CDH19: variants seen among roughly 807,000 people sequenced by gnomAD.
CDH19 encodes cadherin-19.
A neutral mutation model predicts 64.2 loss-of-function variants in CDH19; 67 were observed. That is an observed-to-expected ratio of 1.04 (90% CI 0.86 to 1.28). The LOEUF is 1.28. CDH19 is among the 50% of genes most tolerant of loss of function. The pLI is 0.00. For synonymous variants in CDH19, 346 were observed against 319.3 expected, an observed-to-expected ratio of 1.08 and a Z score of -0.89; for missense variants, 1,030 against 929.0, an observed-to-expected ratio of 1.11 and a Z score of -1.41.
chr18:66,548,988 A>G (rs1987242303), intron 5 of CDH19, among the ~76,000 whole-genome samples: 1 of 152,088 alleles, frequency 6.6e-6, no homozygotes, highest in Non-Finnish European at 1.5e-5. Flanking sequence ...GAGGGTAGGA[A>G]GTGTTGCCCA....
intron 3 of CDH19, among the ~76,000 whole-genome samples, chr18:66,560,892 A>T (rs1987696740): frequency 6.6e-6 from 1 of 152,136 alleles, no homozygotes; most frequent in Non-Finnish European, 1.5e-5. Context: ...TCAAAAATTA[A>T]ATTCTACATT....
chr18:66,551,339 T>G, intron 4 of CDH19, 81 bp from the exon 5 acceptor site: 1 of 788,434 alleles, frequency 1.3e-6, no homozygotes, highest in Non-Finnish European at 2.1e-6. Flanking sequence ...CATTGCAGTA[T>G]ACATTATTTT....
At chr18:66,528,210 T>A (rs1986299507) in intron 9 of CDH19, among the ~76,000 whole-genome samples, 1 of 152,156 alleles carries the variant, frequency 6.6e-6, no homozygotes, top group Non-Finnish European at 1.5e-5. Flanking sequence ...ATCAGATGTG[T>A]TTGAAATTCT....
rs563000941 is a variant in CDH19 at position 66,553,993 on chromosome 18, C to A, written c.610+412G>T. On this transcript the variant is annotated intron_variant, in intron 4 of 11. Coordinates refer to ENST00000262150, the MANE Select transcript of CDH19 (RefSeq NM_021153.4). ...ATCTCAGTCATTCTGCAGGGTTATG[C>A]AGCTGTATTTCATTGTGGTTTTAGT... 1.1e-3 allele frequency among the ~76,000 whole-genome samples: 96 copies of A among 88,860 alleles called. 12 individuals carry two copies. Among genetic ancestry groups the A allele is most frequent in the Non-Finnish European group, 1.8e-3 (89 of 49,030 alleles). 58.3% of individuals were successfully genotyped at this position (88,860 alleles called of 152,430 possible). A position where few individuals can be genotyped will look rare whatever the true frequency, so the allele number is the denominator to read the frequency against.
At chr18:66,528,098 GT>G (rs1986295872) in intron 9 of CDH19, among the ~76,000 whole-genome samples, 1 of 151,564 alleles carries the variant, frequency 6.6e-6, no homozygotes, top group Admixed American at 6.6e-5. Context: ...AAAATTATTT[GT>G]ATTTTAAGAA....
chr18:66,555,134 A>C (rs1987471095), intron 3 of CDH19, among the ~76,000 whole-genome samples: 1 of 151,882 alleles, frequency 6.6e-6, no homozygotes, highest in South Asian at 2.1e-4. Context: ...ATTCAGTAAC[A>C]AGAAATAAAA....
Position 66,544,209 on chromosome 18 carries a change from G to A in CDH19, c.976C>T (p.His326Tyr), listed in dbSNP as rs1879459251. 2 of 1,612,530 alleles carry A rather than the reference G, an allele frequency of 1.2e-6. No individual in the cohort carries two copies. The highest frequency in any genetic ancestry group is 1.7e-6 in the Non-Finnish European group (2 of 1,179,310). The change falls in exon 7 of 12, where the codon CAC becomes TAC. Residue 326 changes from histidine to tyrosine, a missense_variant. By Grantham distance (83) the His-to-Tyr change is moderately conservative (BLOSUM62 2). Transcript: ENST00000262150. Reference protein sequence around the residue: ...VILKKKVDFEHQNHYGIRAKV... With the variant: ...VILKKKVDFEYQNHYGIRAKV... ...GCTCTAATACCGTAGTGGTTCTGGT[G>A]CTCAAAATCCACTTTCTGCAAAGAA...
chr18:66,511,713 T>C lies in CDH19; in HGVS notation c.1459-28A>G, dbSNP rs370754858. ...AAAAAAAAAGGGGGATAGATTTTTGTTGTTGTTTGGATTCAGGAAGAAGAT... is the reference window on the plus strand; with the variant it reads ...AAAAAAAAAGGGGGATAGATTTTTGCTGTTGTTTGGATTCAGGAAGAAGAT... On this transcript the variant is annotated intron_variant, in intron 9 of 11. Coordinates refer to ENST00000262150, the MANE Select transcript of CDH19 (RefSeq NM_021153.4). 5.6e-6 allele frequency: 6 copies of C among 1,064,808 alleles called. No homozygotes were observed. The East Asian group carries it at 1.4e-4, about 25-fold the overall frequency. The allele number at this position is 1,064,808 out of a possible 1,614,324, so 66.0% of individuals were successfully genotyped here. A position where few individuals can be genotyped will look rare whatever the true frequency, so the allele number is the denominator to read the frequency against.
intron 9 of CDH19, among the ~76,000 whole-genome samples, chr18:66,513,554 C>T (rs1414737907): frequency 6.6e-6 from 1 of 151,328 alleles, no homozygotes; most frequent in African/African-American, 2.4e-5. Flanking sequence ...AAAGGGACCA[C>T]ATTAATATGC....
chr18:66,535,705 T>C (rs1358521715), intron 7 of CDH19, among the ~76,000 whole-genome samples: 1 of 147,082 alleles, frequency 6.8e-6, no homozygotes, highest in Admixed American at 6.9e-5. Context: ...TTATTACATA[T>C]ATAACATATT....
In CDH19 at chr18:66,551,095, T is replaced by C; in HGVS notation, c.774A>G (p.Glu258=). The change falls in exon 5 of 12, where the codon GAA becomes GAG. Residue 258 remains glutamate (E), a splice_region_variant and synonymous_variant. Transcript: ENST00000262150. ...DVNDNKPIFK[E]SLYRLTVSES... ...AGATGTAGAATCCTTTTTACTTACT[T>C]TCTTTAAATATAGGCTTATTGTCAT... 6.5e-7 allele frequency: 1 copy of C among 1,528,576 alleles called. No homozygotes were observed. The highest frequency in any genetic ancestry group is 2.3e-5 in the East Asian group (1 of 44,312). The allele number at this position is 1,528,576 out of a possible 1,614,324, so 94.7% of individuals were successfully genotyped here.
intron 1 of CDH19, among the ~76,000 whole-genome samples, chr18:66,602,827 A>C (rs187918793): frequency 4.6e-5 from 7 of 151,902 alleles, no homozygotes; most frequent in Admixed American, 2.0e-4. Context: ...ATAAATTGTT[A>C]GTTATTTTAT....
At chr18:66,541,744 G>C (rs549164300) in intron 7 of CDH19, among the ~76,000 whole-genome samples, 57 of 152,174 alleles carry the variant, frequency 3.7e-4, no homozygotes, top group African/African-American at 1.1e-3. Context: ...TTTTTTGATG[G>C]ATACAAGTTA....
In CDH19 at chr18:66,501,844, T is replaced by C. The variant is rs1386747943; in HGVS notation, c.*2968A>G. 6.6e-6 allele frequency: 1 copy of C among 152,088 alleles called. No homozygotes were observed. The highest frequency in any genetic ancestry group is 2.4e-5 in the African/African-American group (1 of 41,446). The allele number at this position is 152,088 out of a possible 1,614,324, so 9.4% of individuals were successfully genotyped here. A position where few individuals can be genotyped will look rare whatever the true frequency, so the allele number is the denominator to read the frequency against. On this transcript the variant is annotated 3_prime_UTR_variant, in exon 12 of 12. Transcript: ENST00000262150. The stretch of plus-strand genomic sequence containing the variant: ...AACAAATATTATATGTTCGCTTAAT[T>C]GAAAGTAACTAATTCAAACAAAGAT...
chr18:66,546,491 T>C (rs942536523), intron 5 of CDH19, among the ~76,000 whole-genome samples: 2 of 152,148 alleles, frequency 1.3e-5, no homozygotes, highest in Non-Finnish European at 2.9e-5. Flanking sequence ...ACTGAAATAT[T>C]TTCTTCAGTC....
At chr18:66,587,408 T>G (rs1483910828) in intron 1 of CDH19, among the ~76,000 whole-genome samples, 1 of 152,124 alleles carries the variant, frequency 6.6e-6, no homozygotes, top group Non-Finnish European at 1.5e-5. Context: ...TAGGTTCAGA[T>G]TTTTAAGACC....
chr18:66,555,387 C>T (rs1987480330), intron 3 of CDH19, among the ~76,000 whole-genome samples: 2 of 130,614 alleles, frequency 1.5e-5, no homozygotes, highest in Admixed American at 7.7e-5. Flanking sequence ...ATTTTCTCAT[C>T]GTAGCCCAAT....
intron 1 of CDH19, among the ~76,000 whole-genome samples, chr18:66,587,815 G>A (rs575452212): frequency 4.6e-5 from 7 of 152,122 alleles, no homozygotes; most frequent in Non-Finnish European, 1.0e-4. Flanking sequence ...GAAATGGAAG[G>A]TTAATTGGTT....
chr18:66,532,445 A>G (rs1321190923), intron 8 of CDH19: 1 of 170,924 alleles, frequency 5.9e-6, no homozygotes, highest in African/African-American at 2.5e-5. Flanking sequence ...TGTTGAAAGC[A>G]AGGGAAAATA....
Sources: gnomAD v4.1 joint callset for allele counts (sites outside exome capture counted in the v4.1 genomes callset) on GRCh38, gnomAD v4.1.1 for gene constraint, MANE v1.5 for transcripts, NCBI Gene and HGNC (gene_info 2026-07-23, HGNC 2026-07-21) for gene names.